The following KCNQ1 variants were observed in gnomAD, a reference collection of about 807,000 sequenced individuals.
The protein encoded by KCNQ1 is potassium voltage-gated channel subfamily Q member 1, also known as potassium voltage-gated channel subfamily KQT member 1.
In KCNQ1, 49 loss-of-function variants were observed where a neutral mutation model predicts 72.4. The observed-to-expected ratio is 0.68, with a 90% CI of 0.54 to 0.86. The LOEUF is 0.86. Ranked by LOEUF, KCNQ1 falls within the 40% of genes least tolerant of loss-of-function variation. The pLI, the probability that KCNQ1 is intolerant of heterozygous loss-of-function variation, is 0.00. For synonymous variants in KCNQ1, 450 were observed against 412.6 expected (o/e 1.09, Z -1.10); for missense variants, 790 against 945.1 (o/e 0.84, Z 2.15).
chr11:2,701,842 G>A (rs770955370), intron 11 of KCNQ1, among the ~76,000 whole-genome samples: 6 of 152,180 alleles, frequency 3.9e-5, no homozygotes, highest in Non-Finnish European at 7.3e-5. Context: ...CCCTGGCCTG[G>A]ACTCTGCAAT....
rs1161669127 is a variant in KCNQ1 at position 2,695,164 on chromosome 11, C to A, written c.1514+33083C>A. The A allele has an allele frequency of 2.5e-6, 1 of 398,604 alleles. No homozygotes were observed. Among genetic ancestry groups the A allele is most frequent in the Non-Finnish European group, 4.4e-6 (1 of 226,062 alleles). 24.7% of individuals were successfully genotyped at this position (398,604 alleles called of 1,614,324 possible). A position where few individuals can be genotyped will look rare whatever the true frequency, so the allele number is the denominator to read the frequency against. ...GGTTCTTGGCTTTTGGGACTCTGCA[C>A]AGAGTTGATCACAGCCCTCAGCCTA... On this transcript the variant is annotated intron_variant, in intron 11 of 15. Coordinates refer to ENST00000155840, the MANE Select transcript of KCNQ1 (RefSeq NM_000218.3). This position sits in a 1 kb window ranked among gnomAD's most constrained non-coding sequence, Gnocchi z 5.2.
chr11:2,818,679 G>C lies in KCNQ1; in HGVS notation c.1795-29088G>C, dbSNP rs971040870. Among the ~76,000 whole-genome samples the C allele has an allele frequency of 6.6e-6, 1 of 152,146 alleles. No homozygotes were observed. The highest frequency in any genetic ancestry group is 1.5e-5 in the Non-Finnish European group (1 of 68,024). ...TGCTGGTCCCTAACCGGGCCCACCT[G>C]TTGGGTCCTTAGCACCAGCTGCCCA... On this transcript the variant is annotated intron_variant, in intron 15 of 15. Transcript: ENST00000155840. This position sits in a 1 kb window ranked among gnomAD's most constrained non-coding sequence, Gnocchi z 7.2.
rs368868191 is a variant in KCNQ1 at position 2,547,371 on chromosome 11, T to C, written c.477+19353T>C. Among the ~76,000 whole-genome samples the C allele has an allele frequency of 6.6e-6, 1 of 152,056 alleles. No homozygotes were observed. The highest frequency in any genetic ancestry group is 2.4e-5 in the African/African-American group (1 of 41,408). On this transcript the variant is annotated intron_variant, in intron 2 of 15. Coordinates refer to ENST00000155840, the MANE Select transcript of KCNQ1 (RefSeq NM_000218.3). The surrounding 1 kb of genome is among the most constrained non-coding windows in gnomAD (Gnocchi z 4.2). ...TCAGCCTCCCAAGTAGCTGGGATTA[T>C]AGGTGGGCGCCACCACACCTGGCTA...
rs991392771 is a variant in KCNQ1 at position 2,803,746 on chromosome 11, G to A, written c.1794+25709G>A. Among the ~76,000 whole-genome samples the A allele has an allele frequency of 1.3e-5, 2 of 152,082 alleles. No homozygotes were observed. The highest frequency in any genetic ancestry group is 2.1e-4 in the South Asian group (1 of 4,818). Reference sequence around the variant, plus strand: ...TGCCCTTCTTTCTCCTGGCCTCTCAGAAGCACTCCCTGATCCTCTCCCCAC... The same window carrying A: ...TGCCCTTCTTTCTCCTGGCCTCTCAAAAGCACTCCCTGATCCTCTCCCCAC... On this transcript the variant is annotated intron_variant, in intron 15 of 15. Transcript: ENST00000155840. The surrounding 1 kb of genome is among the most constrained non-coding windows in gnomAD (Gnocchi z 6.4).
chr11:2,728,185 T>C (rs1329393799), intron 11 of KCNQ1, among the ~76,000 whole-genome samples: 4 of 152,064 alleles, frequency 2.6e-5, no homozygotes, highest in Non-Finnish European at 1.5e-5. Flanking sequence ...CTCACCTCTT[T>C]TGCCCCCTCC....
intron 11 of KCNQ1, among the ~76,000 whole-genome samples, chr11:2,714,591 G>C (rs537769282): frequency 5.8e-4 from 89 of 152,190 alleles, no homozygotes; most frequent in Non-Finnish European, 1.1e-3. Flanking sequence ...TATGGGGTGT[G>C]GGGGGCGAGG....
At chr11:2,533,787 T>C (rs1297156755) in intron 2 of KCNQ1, among the ~76,000 whole-genome samples, 2 of 152,228 alleles carry the variant, frequency 1.3e-5, no homozygotes, top group Non-Finnish European at 2.9e-5. Context: ...GGTGAGGGCC[T>C]GGCTTTTGTC....
In KCNQ1 at chr11:2,762,325, G is replaced by A. The variant is rs572349086; in HGVS notation, c.1515-6519G>A. Among the ~76,000 whole-genome samples, 19 of 152,212 alleles carry A rather than the reference G, an allele frequency of 1.2e-4. No individual in the cohort carries two copies. The highest frequency in any genetic ancestry group is 1.0e-3 in the South Asian group (5 of 4,820). On this transcript the variant is annotated intron_variant, in intron 11 of 15. Coordinates refer to ENST00000155840, the MANE Select transcript of KCNQ1 (RefSeq NM_000218.3). The surrounding 1 kb of genome is among the most constrained non-coding windows in gnomAD (Gnocchi z 4.3). ...GTGAAAATATTATCCAACTTTCTTC[G>A]ACAGGCCCGATTGCCTCATAGTTAG...
At chr11:2,733,326 G>A (rs1162418532) in intron 11 of KCNQ1, among the ~76,000 whole-genome samples, 1 of 151,474 alleles carries the variant, frequency 6.6e-6, no homozygotes, top group African/African-American at 2.4e-5. Flanking sequence ...ACTCAACACA[G>A]GGGCTCCCCA....
At chr11:2,699,337 G>A in intron 11 of KCNQ1, 1 of 399,144 alleles carries the variant, frequency 2.5e-6, no homozygotes, top group Non-Finnish European at 4.4e-6. Flanking sequence ...CCTCAGCAAC[G>A]CCAGTGATCA....
chr11:2,767,686 T>C lies in KCNQ1; in HGVS notation c.1515-1158T>C, dbSNP rs2237881. ...TTAGTTTCTGGGGCTGCCTTCTAGATAGCTTCTAAACCCCAAAGCTTCTCT... is the reference window on the plus strand; with the variant it reads ...TTAGTTTCTGGGGCTGCCTTCTAGACAGCTTCTAAACCCCAAAGCTTCTCT... On this transcript the variant is annotated intron_variant, in intron 11 of 15. Transcript: ENST00000155840. The surrounding 1 kb of genome is among the most constrained non-coding windows in gnomAD (Gnocchi z 4.6). Among the ~76,000 whole-genome samples the C allele has an allele frequency of 0.017, 2,536 of 152,298 alleles. 116 individuals are homozygous for C. Among genetic ancestry groups the C allele is most frequent in the East Asian group, 0.13 (688 of 5,178 alleles).
chr11:2,637,099 C>T (rs1406444876), intron 10 of KCNQ1: 4 of 152,062 alleles, frequency 2.6e-5, no homozygotes, highest in Non-Finnish European at 5.9e-5. Context: ...TGCTAGAGGC[C>T]TATCAATTTT....
rs1849410118 is a variant in KCNQ1 at position 2,634,124 on chromosome 11, T to C, written c.1394-27837T>C. 11 of 380,524 alleles carry C rather than the reference T, an allele frequency of 2.9e-5. No homozygotes were observed. The South Asian group carries it at 5.8e-4, about 20-fold the overall frequency. The allele number at this position is 380,524 out of a possible 1,614,324, so 23.6% of individuals were successfully genotyped here. ...TGTGTTTTTGCTATTTCGGTGAAGA[T>C]TGTCTTTGGTATTTTTTTTTTTTTA... On this transcript the variant is annotated intron_variant, in intron 10 of 15. Coordinates refer to ENST00000155840, the MANE Select transcript of KCNQ1 (RefSeq NM_000218.3).
rs1396151120 is a variant in KCNQ1, at chr11:2,624,448, T to C, written c.1393+35594T>C. The C allele has an allele frequency of 2.5e-6, 1 of 398,402 alleles. No individual in the cohort carries two copies. Among genetic ancestry groups the C allele is most frequent in the Non-Finnish European group, 4.4e-6 (1 of 226,030 alleles). The allele number at this position is 398,402 out of a possible 1,614,324, so 24.7% of individuals were successfully genotyped here. A position where few individuals can be genotyped will look rare whatever the true frequency, so the allele number is the denominator to read the frequency against. On this transcript the variant is annotated intron_variant, in intron 10 of 15. Transcript: ENST00000155840. This position sits in a 1 kb window ranked among gnomAD's most constrained non-coding sequence, Gnocchi z 4.9. ...AAGTCTAGCTTATCAATTATTTCTTTCATGAATCATGCCTTTGGTGTCATA... is the reference window on the plus strand; with the variant it reads ...AAGTCTAGCTTATCAATTATTTCTTCCATGAATCATGCCTTTGGTGTCATA...
rs1849689188 is a variant in KCNQ1, at chr11:2,647,807, T to A, written c.1394-14154T>A. 5.0e-6 allele frequency: 2 copies of A among 398,452 alleles called. No homozygotes were observed. The highest frequency in any genetic ancestry group is 4.4e-6 in the Non-Finnish European group (1 of 226,058). 24.7% of individuals were successfully genotyped at this position (398,452 alleles called of 1,614,324 possible). Reference sequence around the variant, plus strand: ...AGTTGTTCATAATGGTCTCTAATAATCTTTTGTATTTCTGTGGTGTCCATT... The same window carrying A: ...AGTTGTTCATAATGGTCTCTAATAAACTTTTGTATTTCTGTGGTGTCCATT... On this transcript the variant is annotated intron_variant, in intron 10 of 15. Coordinates refer to ENST00000155840, the MANE Select transcript of KCNQ1 (RefSeq NM_000218.3). This position sits in a 1 kb window ranked among gnomAD's most constrained non-coding sequence, Gnocchi z 4.0.
chr11:2,453,792 T>A (rs1846147193), intron 1 of KCNQ1, among the ~76,000 whole-genome samples: 1 of 152,236 alleles, frequency 6.6e-6, no homozygotes, highest in Non-Finnish European at 1.5e-5. Context: ...AAGCTGCGTG[T>A]GCAGGGCTGC....
At position 2,848,140 on chromosome 11, in the gene KCNQ1, T is replaced by G; in HGVS notation, c.*137T>G. The G allele has an allele frequency of 1.3e-6, 1 of 782,480 alleles. No homozygotes were observed. 48.5% of individuals were successfully genotyped at this position (782,480 alleles called of 1,614,324 possible). On this transcript the variant is annotated 3_prime_UTR_variant, in exon 16 of 16. Transcript: ENST00000155840. ...CACTCTCAGAGGCCCCAATACCCCA[T>G]GGACCATGCTGTCTGGCACAGCCTG... is the stretch of plus-strand genomic sequence containing the variant.
rs1257702576 is a variant in KCNQ1 at position 2,630,276 on chromosome 11, T to C, written c.1394-31685T>C. 4.0e-5 allele frequency: 16 copies of C among 398,210 alleles called. No homozygotes were observed. The East Asian group carries it at 4.6e-4, about 12-fold the overall frequency. The allele number at this position is 398,210 out of a possible 1,614,324, so 24.7% of individuals were successfully genotyped here. A position where few individuals can be genotyped will look rare whatever the true frequency, so the allele number is the denominator to read the frequency against. ...AAGGATAAATCCCATGTTTGTGATA[T>C]ATGATTTTTTTAATGTGCTGTTAAA... On this transcript the variant is annotated intron_variant, in intron 10 of 15. Coordinates refer to ENST00000155840, the MANE Select transcript of KCNQ1 (RefSeq NM_000218.3).
At chr11:2,718,675 G>A (rs1247440224) in intron 11 of KCNQ1, among the ~76,000 whole-genome samples, 3 of 152,222 alleles carry the variant, frequency 2.0e-5, no homozygotes, top group Non-Finnish European at 4.4e-5. Context: ...GATGACCTGG[G>A]CTAGGGCCAC....
Sources: allele counts gnomAD v4.1 joint callset (sites outside exome capture counted in the v4.1 genomes callset), GRCh38; gene constraint gnomAD v4.1.1; non-coding constraint Gnocchi (gnomAD v3.1); transcripts MANE v1.5; gene names NCBI Gene and HGNC (gene_info 2026-07-23, HGNC 2026-07-21).